Variants in GPC5 observed in about 807,000 individuals in gnomAD.
The protein encoded by GPC5 is glypican-5.
GPC5 carries 47 observed loss-of-function variants against 53.9 expected under a neutral mutation model. The observed-to-expected ratio is 0.87, with a 90% CI of 0.69 to 1.11. The LOEUF (loss-of-function observed/expected upper bound fraction) is 1.11, where lower values mean the gene tolerates loss of function less well. GPC5 is among the 50% of genes most tolerant of loss of function. GPC5 has a pLI of 0.00. For synonymous variants in GPC5, 286 were observed against 263.3 expected (o/e 1.09, Z -0.84); for missense variants, 748 against 713.1 (o/e 1.05, Z -0.56).
intron 7 of GPC5, among the ~76,000 whole-genome samples, chr13:92,216,911 G>A (rs2042414169): frequency 6.6e-6 from 1 of 151,596 alleles, no homozygotes; most frequent in Non-Finnish European, 1.5e-5. Context: ...CCCAGGAGGT[G>A]GAGGTTCCAG....
At chr13:91,832,304 T>C (rs377452234) in intron 5 of GPC5, among the ~76,000 whole-genome samples, 6,205 of 147,048 alleles carry the variant, frequency 0.042, 141 homozygotes, top group Middle Eastern at 0.067. Context: ...TTTTCTCTTT[T>C]TTTTTTTTTT....
chr13:91,469,848 T>C (rs1432379929), intron 2 of GPC5, among the ~76,000 whole-genome samples: 1 of 152,128 alleles, frequency 6.6e-6, no homozygotes, highest in African/African-American at 2.4e-5. Context: ...GAGACCAGCC[T>C]GGCCAACATG....
intron 2 of GPC5, among the ~76,000 whole-genome samples, chr13:91,485,288 C>T (rs1334400028): frequency 6.6e-6 from 1 of 151,212 alleles, no homozygotes; most frequent in Non-Finnish European, 1.5e-5. Flanking sequence ...TCTCAGCTCA[C>T]TGCAACCTCT....
At chr13:92,476,299 A>G (rs1489966090) in intron 7 of GPC5, among the ~76,000 whole-genome samples, 2 of 152,210 alleles carry the variant, frequency 1.3e-5, no homozygotes, top group Non-Finnish European at 2.9e-5. Flanking sequence ...AAAAATGCTC[A>G]TCATCACTGG....
chr13:92,783,184 T>C (rs1417953670), intron 7 of GPC5, among the ~76,000 whole-genome samples: 1 of 152,218 alleles, frequency 6.6e-6, no homozygotes, highest in Admixed American at 6.5e-5. Flanking sequence ...AACCAACTCA[T>C]GACTCAGGTA....
intron 7 of GPC5, among the ~76,000 whole-genome samples, chr13:92,333,634 T>C (rs928230008): frequency 6.6e-6 from 1 of 152,160 alleles, no homozygotes; most frequent in Admixed American, 6.6e-5. Flanking sequence ...ATGCTTCCTG[T>C]TCCTGACACC....
chr13:92,842,655 G>GTTT lies in GPC5; in HGVS notation c.1562-23615_1562-23613dup, dbSNP rs11331842. Among the ~76,000 whole-genome samples the GTTT allele has an allele frequency of 1.1e-3, 149 of 140,712 alleles. 1 individual carries two copies. The highest frequency in any genetic ancestry group is 3.1e-3 in the Admixed American group (44 of 13,986). The allele number at this position is 140,712 out of a possible 152,430, so 92.3% of individuals were successfully genotyped here. A position where few individuals can be genotyped will look rare whatever the true frequency, so the allele number is the denominator to read the frequency against. On this transcript the variant is annotated intron_variant, in intron 7 of 7. Coordinates refer to ENST00000377067, the MANE Select transcript of GPC5 (RefSeq NM_004466.6). ...CCAACAATGGGTAGGATACATAATT[G>GTTT]TTTTTTTTTTTTTTCATATTTCCAA...
chr13:92,821,609 TGC>T (rs1358323779), intron 7 of GPC5, among the ~76,000 whole-genome samples: 1 of 152,160 alleles, frequency 6.6e-6, no homozygotes, highest in Non-Finnish European at 1.5e-5. Flanking sequence ...TCTCAGCATT[TGC>T]CACAGGATGC....
chr13:92,485,116 G>C (rs962766332), intron 7 of GPC5, among the ~76,000 whole-genome samples: 1 of 152,172 alleles, frequency 6.6e-6, no homozygotes, highest in African/African-American at 2.4e-5. Flanking sequence ...TTAGAGGGAT[G>C]AAATGGAAGT....
chr13:91,662,735 A>C (rs1164569934), intron 2 of GPC5, among the ~76,000 whole-genome samples: 1 of 152,188 alleles, frequency 6.6e-6, no homozygotes, highest in African/African-American at 2.4e-5. Flanking sequence ...TGCTGTGCTC[A>C]TTATTACCAT....
chr13:91,941,599 T>C (rs1361345555), intron 6 of GPC5, among the ~76,000 whole-genome samples: 3 of 152,120 alleles, frequency 2.0e-5, no homozygotes, highest in Admixed American at 2.0e-4. Flanking sequence ...CTCAAAATCA[T>C]GGGTATAACC....
intron 7 of GPC5, among the ~76,000 whole-genome samples, chr13:92,668,720 G>A (rs1459134211): frequency 6.6e-6 from 1 of 151,696 alleles, no homozygotes. Context: ...ATAAGTCTGT[G>A]GTCTTCTGTA....
chr13:92,313,411 C>T (rs2043158554), intron 7 of GPC5, among the ~76,000 whole-genome samples: 1 of 152,160 alleles, frequency 6.6e-6, no homozygotes, highest in Non-Finnish European at 1.5e-5. Context: ...GAATTTTACC[C>T]AAGGACAGGG....
At chr13:92,789,112 C>A (rs1432454288) in intron 7 of GPC5, among the ~76,000 whole-genome samples, 1 of 152,116 alleles carries the variant, frequency 6.6e-6, no homozygotes, top group Non-Finnish European at 1.5e-5. Flanking sequence ...ACTCCTGTAC[C>A]TTTTCCATGT....
intron 6 of GPC5, among the ~76,000 whole-genome samples, chr13:91,953,710 C>T (rs1335650379): frequency 1.3e-5 from 2 of 152,190 alleles, no homozygotes; most frequent in African/African-American, 4.8e-5. Context: ...CTGACAGATA[C>T]TAAATCTGGA....
chr13:91,809,808 C>T (rs1475848940), intron 5 of GPC5, among the ~76,000 whole-genome samples: 2 of 151,708 alleles, frequency 1.3e-5, no homozygotes, highest in Non-Finnish European at 1.5e-5. Flanking sequence ...GAAAAATTCT[C>T]GTGAATATGT....
At chr13:92,039,988 A>C (rs1232669177) in intron 6 of GPC5, among the ~76,000 whole-genome samples, 1 of 152,194 alleles carries the variant, frequency 6.6e-6, no homozygotes, top group Non-Finnish European at 1.5e-5. Context: ...CCCACTCCAC[A>C]GCTCTGCCAA....
At chr13:91,826,745 C>T (rs1403447249) in intron 5 of GPC5, among the ~76,000 whole-genome samples, 1 of 151,886 alleles carries the variant, frequency 6.6e-6, no homozygotes, top group East Asian at 1.9e-4. Context: ...AGCAAAGTTG[C>T]CAAAGCAATT....
chr13:92,717,592 G>A (rs1888373597), intron 7 of GPC5, among the ~76,000 whole-genome samples: 1 of 152,102 alleles, frequency 6.6e-6, no homozygotes, highest in Non-Finnish European at 1.5e-5. Flanking sequence ...CACATCAAAT[G>A]TGTATTTTCT....
Sources: allele counts gnomAD v4.1 joint callset (sites outside exome capture counted in the v4.1 genomes callset), GRCh38; gene constraint gnomAD v4.1.1; transcripts MANE v1.5; gene names NCBI Gene and HGNC (gene_info 2026-07-23, HGNC 2026-07-21).